Variants in CBL observed in about 807,000 individuals in gnomAD.
The protein encoded by CBL is Cbl proto-oncogene.
A neutral mutation model predicts 96.9 loss-of-function variants in CBL; 45 were observed. The observed-to-expected ratio is 0.46, with a 90% CI of 0.37 to 0.60. The LOEUF is 0.60. Ranked by LOEUF, CBL falls within the 20% of genes least tolerant of loss-of-function variation. The probability of loss-of-function intolerance (pLI) is 0.00; values close to 1 mark genes in which losing one functional copy is unlikely to be tolerated. For synonymous variants in CBL, 420 were observed against 426.8 expected, an observed-to-expected ratio of 0.98 and a Z score of 0.20; for missense variants, 1,024 against 1,143.5, an observed-to-expected ratio of 0.90 and a Z score of 1.51.
Position 119,232,355 on chromosome 11 carries a change from AAG to A in CBL, c.196-90_196-89del, listed in dbSNP as rs1949509554. 1.5e-5 allele frequency: 21 copies of A among 1,383,178 alleles called. No homozygotes were observed. The South Asian group carries it at 2.0e-4, about 13-fold the overall frequency. The allele number at this position is 1,383,178 out of a possible 1,614,324, so 85.7% of individuals were successfully genotyped here. A position where few individuals can be genotyped will look rare whatever the true frequency, so the allele number is the denominator to read the frequency against. ...CTCATGTATTTTTCATATTTTGCAAAAGAGCACATATTTCATAACTTTCTTAA... is the reference window on the plus strand; with the variant it reads ...CTCATGTATTTTTCATATTTTGCAAAAGCACATATTTCATAACTTTCTTAA... On this transcript the variant is annotated intron_variant, in intron 1 of 15. Transcript: ENST00000264033.
chr11:119,207,080 C>T (rs535059024), intron 1 of CBL, among the ~76,000 whole-genome samples: 180 of 152,222 alleles, frequency 1.2e-3, no homozygotes, highest in Admixed American at 2.0e-3. Context: ...TGGGCTCTGA[C>T]TGAGGAACCT....
In CBL at chr11:119,300,409, T is replaced by G; in HGVS notation, c.*628T>G. ...GTCTGTTCTTTCCCCATCAACTCCT[T>G]CCTCATCCTTCTTGGTGTTCTGTCA... On this transcript the variant is annotated 3_prime_UTR_variant, in exon 16 of 16. Transcript: ENST00000264033. The G allele has an allele frequency of 2.5e-6, 1 of 405,820 alleles. No homozygotes were observed. Among genetic ancestry groups the G allele is most frequent in the Non-Finnish European group, 4.4e-6 (1 of 229,782 alleles). 25.1% of individuals were successfully genotyped at this position (405,820 alleles called of 1,614,324 possible). A position where few individuals can be genotyped will look rare whatever the true frequency, so the allele number is the denominator to read the frequency against.
At chr11:119,263,649 T>C (rs1219058431) in intron 2 of CBL, among the ~76,000 whole-genome samples, 2 of 151,696 alleles carry the variant, frequency 1.3e-5, no homozygotes, top group East Asian at 3.9e-4. Flanking sequence ...TGGTTTTCGT[T>C]TTGTTTTGTT....
intron 2 of CBL, among the ~76,000 whole-genome samples, chr11:119,246,886 C>T (rs1313084343): frequency 1.3e-5 from 2 of 152,166 alleles, no homozygotes; most frequent in Admixed American, 6.5e-5. Context: ...ACATTGGTCA[C>T]TTGGAAAATA....
chr11:119,271,760 A>G lies in CBL; in HGVS notation c.469A>G (p.Ile157Val), dbSNP rs730880430. ...PRRNLTKLSL[I>V]FSHMLAELKG... ...GCGAAACCTAACCAAACTGTCCCTC[A>G]TCTTCAGCCACATGCTGGCAGAACT... The change falls in exon 3 of 16, where the codon ATC becomes GTC. Residue 157 changes from isoleucine to valine, a missense_variant. Ile to Val is a conservative substitution (Grantham distance 29). This residue lies in a region of CBL where 192 missense variants were observed against 321.8 expected (regional missense o/e 0.60). Coordinates refer to ENST00000264033, the MANE Select transcript of CBL (RefSeq NM_005188.4). 3.7e-6 allele frequency: 6 copies of G among 1,613,966 alleles called. No individual in the cohort carries two copies. Among genetic ancestry groups the G allele is most frequent in the Non-Finnish European group, 5.1e-6 (6 of 1,179,944 alleles).
chr11:119,300,860 C>T lies in CBL; in HGVS notation c.*1079C>T, dbSNP rs562693167. The T allele has an allele frequency of 3.2e-5, 10 of 314,902 alleles. No individual in the cohort carries two copies. Among genetic ancestry groups the T allele is most frequent in the South Asian group, 1.6e-4 (1 of 6,314 alleles). The allele number at this position is 314,902 out of a possible 1,614,324, so 19.5% of individuals were successfully genotyped here. A position where few individuals can be genotyped will look rare whatever the true frequency, so the allele number is the denominator to read the frequency against. ...ATACCGGAAAGCTTTTAGGAAGCTT[C>T]GTTCACATGCTATTTAAATGCACAA... On this transcript the variant is annotated 3_prime_UTR_variant, in exon 16 of 16. Coordinates refer to ENST00000264033, the MANE Select transcript of CBL (RefSeq NM_005188.4).
In CBL at chr11:119,277,746, A is replaced by C; in HGVS notation, c.1008-11A>C. 1.2e-6 allele frequency: 2 copies of C among 1,602,176 alleles called. No homozygotes were observed. Among genetic ancestry groups the C allele is most frequent in the South Asian group, 2.2e-5 (2 of 90,828 alleles). ...GCTTAAATAAAACCCAGGGTTGGTT[A>C]CTCTTTACAGCTATTTGTTTCCTGA... On this transcript the variant is annotated splice_polypyrimidine_tract_variant and intron_variant, in intron 6 of 15. Coordinates refer to ENST00000264033, the MANE Select transcript of CBL (RefSeq NM_005188.4).
intron 1 of CBL, among the ~76,000 whole-genome samples, chr11:119,231,401 C>T (rs1472285308): frequency 1.3e-5 from 2 of 151,448 alleles, no homozygotes; most frequent in Non-Finnish European, 2.9e-5. Flanking sequence ...GAGCAAAACT[C>T]CATCTCAAAA....
chr11:119,284,306 T>A (rs568697695), intron 9 of CBL, among the ~76,000 whole-genome samples: 3 of 152,074 alleles, frequency 2.0e-5, no homozygotes, highest in Non-Finnish European at 4.4e-5. Context: ...CATCCTTTTT[T>A]TTTATTTTAT....
rs1393559094 is a variant in CBL, at chr11:119,242,581, C to A, written c.443+9886C>A. ...AGACCAGCACGGCACCATAGAGAGA[C>A]CCTGACCCTGTCTCTACAAAAAATT... On this transcript the variant is annotated intron_variant, in intron 2 of 15. Transcript: ENST00000264033. Among the ~76,000 whole-genome samples, 3 of 145,272 alleles carry A rather than the reference C, an allele frequency of 2.1e-5. No individual in the cohort carries two copies. In the East Asian group the frequency reaches 6.0e-4, roughly 29 times the overall value.
chr11:119,256,550 A>G (rs949535032), intron 2 of CBL, among the ~76,000 whole-genome samples: 1 of 151,298 alleles, frequency 6.6e-6, no homozygotes, highest in Non-Finnish European at 1.5e-5. Flanking sequence ...TTTTTTTTAG[A>G]TTTTTCTTTT....
rs1273843346 is a variant in CBL at position 119,305,805 on chromosome 11, A to G, written c.*6024A>G. 1 of 230,188 alleles carries G rather than the reference A, an allele frequency of 4.3e-6. No individual in the cohort carries two copies. Among genetic ancestry groups the G allele is most frequent in the African/African-American group, 2.2e-5 (1 of 45,108 alleles). The allele number at this position is 230,188 out of a possible 1,614,324, so 14.3% of individuals were successfully genotyped here. A position where few individuals can be genotyped will look rare whatever the true frequency, so the allele number is the denominator to read the frequency against. On this transcript the variant is annotated 3_prime_UTR_variant, in exon 16 of 16. Coordinates refer to ENST00000264033, the MANE Select transcript of CBL (RefSeq NM_005188.4). ...TTGCTTGCCTAAATCTTTTGATCTT[A>G]TATTTCTCTCATCTCAGAGCCTGTC...
chr11:119,233,396 A>G (rs1949519591), intron 2 of CBL, among the ~76,000 whole-genome samples: 1 of 151,988 alleles, frequency 6.6e-6, no homozygotes, highest in South Asian at 2.1e-4. Context: ...ACCATGCCTG[A>G]TTAATTTTTG....
chr11:119,238,572 G>C (rs557760661), intron 2 of CBL, among the ~76,000 whole-genome samples: 1 of 151,660 alleles, frequency 6.6e-6, no homozygotes, highest in South Asian at 2.1e-4. Context: ...GTTCACACCT[G>C]TAATGCCAGC....
intron 11 of CBL, among the ~76,000 whole-genome samples, chr11:119,287,456 T>G (rs1366314879): frequency 6.6e-6 from 1 of 152,226 alleles, no homozygotes; most frequent in African/African-American, 2.4e-5. Flanking sequence ...AATGCTCAAG[T>G]GGTACCTGTG....
intron 1 of CBL, among the ~76,000 whole-genome samples, chr11:119,225,146 G>A (rs1470228860): frequency 2.0e-5 from 3 of 151,782 alleles, no homozygotes; most frequent in Non-Finnish European, 4.4e-5. Flanking sequence ...CCCAGGCTAT[G>A]AGTGCAGTGG....
intron 1 of CBL, among the ~76,000 whole-genome samples, chr11:119,231,384 G>A (rs1319961903): frequency 6.6e-6 from 1 of 151,922 alleles, no homozygotes; most frequent in Admixed American, 6.6e-5. Flanking sequence ...TCTAGCCTGG[G>A]CAAAAAGAGC....
chr11:119,213,637 T>C (rs1315995888), intron 1 of CBL, among the ~76,000 whole-genome samples: 3 of 152,166 alleles, frequency 2.0e-5, no homozygotes, highest in African/African-American at 4.8e-5. Context: ...GGGATTTATT[T>C]ATTTATTTTT....
At chr11:119,297,312 A>T (rs1474825419) in intron 13 of CBL, 72 bp from the exon 14 acceptor site, 2 of 1,218,754 alleles carry the variant, frequency 1.6e-6, no homozygotes, top group African/African-American at 1.5e-5. Flanking sequence ...AAACGAGAAG[A>T]TGAATCTTCA....
Sources: gnomAD v4.1 joint callset for allele counts (sites outside exome capture counted in the v4.1 genomes callset) on GRCh38, gnomAD v4.1.1 for gene constraint, gnomAD v4.1.1 regional missense constraint, MANE v1.5 for transcripts, NCBI Gene and HGNC (gene_info 2026-07-23, HGNC 2026-07-21) for gene names.